Variants in DLGAP1 observed in about 807,000 individuals in gnomAD.
The protein encoded by DLGAP1 is disks large-associated protein 1.
A neutral mutation model predicts 90.8 loss-of-function variants in DLGAP1; 11 were observed. The ratio of observed to expected loss-of-function variants is 0.12; its 90% CI spans 0.08 to 0.20. The LOEUF (loss-of-function observed/expected upper bound fraction) is 0.20. Ranked by LOEUF, DLGAP1 falls within the 10% of genes least tolerant of loss-of-function variation. The pLI is 1.00. For missense variants in DLGAP1, 1,050 were observed against 1,333.8 expected (o/e 0.79, Z 3.31); for synonymous variants, 558 against 540.7 (o/e 1.03, Z -0.44).
chr18:3,504,016 G>A (rs986478091), intron 11 of DLGAP1, among the ~76,000 whole-genome samples: 9 of 152,228 alleles, frequency 5.9e-5, no homozygotes, highest in Non-Finnish European at 1.0e-4. Flanking sequence ...GAATCGCTTG[G>A]ACCTGAGAGG....
At chr18:3,784,035 T>A (rs546512134) in intron 5 of DLGAP1, among the ~76,000 whole-genome samples, 63 of 152,320 alleles carry the variant, frequency 4.1e-4, no homozygotes, top group African/African-American at 1.4e-3. Context: ...TGTATGCTGA[T>A]CTTGTGTGTC....
intron 7 of DLGAP1, among the ~76,000 whole-genome samples, chr18:3,650,401 A>C (rs1308708918): frequency 6.6e-6 from 1 of 152,122 alleles, no homozygotes; most frequent in Non-Finnish European, 1.5e-5. Context: ...AGGCAGGAGG[A>C]CAGCTTGAGG....
chr18:4,113,214 A>G (rs1235293151), intron 2 of DLGAP1, among the ~76,000 whole-genome samples: 2 of 152,202 alleles, frequency 1.3e-5, no homozygotes, highest in Non-Finnish European at 2.9e-5. Flanking sequence ...GAAATAATTT[A>G]CATTTCCACC....
At chr18:3,583,152 A>ACCTC (rs2055634165) in intron 7 of DLGAP1, among the ~76,000 whole-genome samples, 1 of 124,224 alleles carries the variant, frequency 8.0e-6, no homozygotes, top group Non-Finnish European at 1.7e-5. Context: ...CGACCTACCT[A>ACCTC]CCTACCTACC....
intron 1 of DLGAP1, among the ~76,000 whole-genome samples, chr18:4,285,626 A>G (rs1385712055): frequency 6.6e-6 from 1 of 152,216 alleles, no homozygotes; most frequent in Admixed American, 6.6e-5. Context: ...ACTCCAGGGC[A>G]GCCACATAGT....
chr18:3,822,111 GAGA>G (rs1311769836), intron 4 of DLGAP1: 6 of 572,456 alleles, frequency 1.0e-5, no homozygotes, highest in South Asian at 1.5e-4. Flanking sequence ...TCCCAATCAG[GAGA>G]AGATTTCCCT....
At chr18:4,293,064 T>C (rs960078398) in intron 1 of DLGAP1, 4 of 152,234 alleles carry the variant, frequency 2.6e-5, no homozygotes, top group African/African-American at 9.6e-5. Context: ...GAAACGGAGA[T>C]GAAATCAGTG....
At chr18:4,306,031 A>C (rs374179676) in intron 1 of DLGAP1, among the ~76,000 whole-genome samples, 3 of 25,184 alleles carry the variant, frequency 1.2e-4, no homozygotes, top group Admixed American at 1.2e-3. Flanking sequence ...GACACACACA[A>C]ATACACACAC....
At chr18:4,232,922 A>G (rs533756734) in intron 1 of DLGAP1, among the ~76,000 whole-genome samples, 12 of 152,334 alleles carry the variant, frequency 7.9e-5, no homozygotes, top group Admixed American at 2.6e-4. Context: ...TCTCAAAGGA[A>G]ACCACACAAG....
chr18:3,618,252 T>C (rs2057952861), intron 7 of DLGAP1, among the ~76,000 whole-genome samples: 1 of 152,186 alleles, frequency 6.6e-6, no homozygotes, highest in South Asian at 2.1e-4. Context: ...GAGTCCGGCC[T>C]TTAAGGGGCT....
chr18:4,276,091 GAT>G (rs1387974328), intron 1 of DLGAP1, among the ~76,000 whole-genome samples: 3 of 137,656 alleles, frequency 2.2e-5, no homozygotes, highest in Non-Finnish European at 4.7e-5. Context: ...TGGGCTGAAT[GAT>G]AGTTTTGTCT....
At chr18:3,662,578 G>T (rs1876557024) in intron 7 of DLGAP1, among the ~76,000 whole-genome samples, 1 of 152,156 alleles carries the variant, frequency 6.6e-6, no homozygotes, top group South Asian at 2.1e-4. Context: ...AGAGCCCCCA[G>T]ACTTTTATGG....
chr18:3,894,501 G>A (rs2071563745), intron 3 of DLGAP1, among the ~76,000 whole-genome samples: 1 of 152,066 alleles, frequency 6.6e-6, no homozygotes, highest in African/African-American at 2.4e-5. Flanking sequence ...TGTTTACTTT[G>A]TCAAAGATCA....
At chr18:4,214,493 C>T (rs2077910752) in intron 1 of DLGAP1, among the ~76,000 whole-genome samples, 1 of 152,128 alleles carries the variant, frequency 6.6e-6, no homozygotes, top group Non-Finnish European at 1.5e-5. Context: ...GGTCCCTGCC[C>T]ACAAGAAACC....
chr18:3,881,065 A>G (rs1450818708), intron 3 of DLGAP1, among the ~76,000 whole-genome samples: 2 of 151,406 alleles, frequency 1.3e-5, no homozygotes, highest in Admixed American at 6.6e-5. Context: ...TATGACCCCA[A>G]TAACTGGATG....
At chr18:3,656,144 T>C (rs1453566357) in intron 7 of DLGAP1, 1 of 1,539,606 alleles carries the variant, frequency 6.5e-7, no homozygotes, top group South Asian at 1.2e-5. Flanking sequence ...GGCAGTTATA[T>C]AATGGACCCA....
At chr18:3,561,272 A>AC (rs1401931796) in intron 9 of DLGAP1, among the ~76,000 whole-genome samples, 1 of 139,772 alleles carries the variant, frequency 7.2e-6, no homozygotes, top group Non-Finnish European at 1.5e-5. Flanking sequence ...AAAACAAAAA[A>AC]AAAAAAACAA....
At chr18:3,980,176 A>G (rs757839905) in intron 3 of DLGAP1, among the ~76,000 whole-genome samples, 3 of 152,146 alleles carry the variant, frequency 2.0e-5, no homozygotes, top group Non-Finnish European at 4.4e-5. Context: ...GTAAAAAGTA[A>G]AAAACAAAAA....
intron 1 of DLGAP1, among the ~76,000 whole-genome samples, chr18:4,451,829 T>G (rs1337598036): frequency 6.6e-6 from 1 of 152,190 alleles, no homozygotes; most frequent in Non-Finnish European, 1.5e-5. Context: ...AGTATCTTTT[T>G]GTGATAGTGT....
Sources: allele counts gnomAD v4.1 joint callset (sites outside exome capture counted in the v4.1 genomes callset), GRCh38; gene constraint gnomAD v4.1.1; transcripts MANE v1.5; gene names NCBI Gene and HGNC (gene_info 2026-07-23, HGNC 2026-07-21).